Variants in RBFOX1 observed in about 807,000 individuals in gnomAD.
The protein encoded by RBFOX1 is RNA binding protein fox-1 homolog 1.
RBFOX1 carries 8 observed loss-of-function variants against 57.7 expected under a neutral mutation model. The ratio of observed to expected loss-of-function variants is 0.14; its 90% CI spans 0.08 to 0.25. The LOEUF is 0.25. Among genes scored for constraint, RBFOX1 ranks in the 10% least tolerant of loss-of-function variants. The probability of loss-of-function intolerance (pLI) is 1.00; values close to 1 mark genes in which losing one functional copy is unlikely to be tolerated. For missense variants in RBFOX1, 611 were observed against 548.5 expected (o/e 1.11, Z -1.14); for synonymous variants, 326 against 222.4 (o/e 1.47, Z -4.15).
At chr16:5,240,532 C>G (rs1274326130) in intron 1 of RBFOX1, among the ~76,000 whole-genome samples, 1 of 152,194 alleles carries the variant, frequency 6.6e-6, no homozygotes, top group South Asian at 2.1e-4. Context: ...CTTGGCCAAG[C>G]CCTGCTCTGC....
At chr16:6,046,412 G>A (rs1397642975) in intron 1 of RBFOX1, among the ~76,000 whole-genome samples, 1 of 152,156 alleles carries the variant, frequency 6.6e-6, no homozygotes, top group Non-Finnish European at 1.5e-5. Context: ...CAAGACCCCA[G>A]GGCTCCATTT....
At chr16:7,044,850 C>T (rs1314273674) in intron 3 of RBFOX1, among the ~76,000 whole-genome samples, 3 of 151,912 alleles carry the variant, frequency 2.0e-5, no homozygotes, top group East Asian at 1.9e-4. Flanking sequence ...CCTTTTTTTC[C>T]ACCTCCCCTC....
chr16:6,202,471 A>G (rs574611527), intron 1 of RBFOX1, among the ~76,000 whole-genome samples: 4 of 152,120 alleles, frequency 2.6e-5, no homozygotes, highest in African/African-American at 4.8e-5. Context: ...GGAAAAAAAG[A>G]CTTCACTCAA....
At chr16:5,985,249 C>T (rs1056539649) in intron 4 of RBFOX1, among the ~76,000 whole-genome samples, 26 of 151,788 alleles carry the variant, frequency 1.7e-4, no homozygotes, top group African/African-American at 6.3e-4. Context: ...CCCTCGGCCT[C>T]CCAAAGTGGT....
At chr16:6,931,307 A>C (rs565102742) in intron 3 of RBFOX1, among the ~76,000 whole-genome samples, 1 of 126,036 alleles carries the variant, frequency 7.9e-6, no homozygotes, top group South Asian at 2.6e-4. Context: ...CTATCTATCT[A>C]TCTATCTATC....
chr16:7,092,463 A>G (rs775296446), intron 4 of RBFOX1, among the ~76,000 whole-genome samples: 8 of 152,210 alleles, frequency 5.3e-5, no homozygotes, highest in East Asian at 1.9e-4. Context: ...GTACCATTCA[A>G]TATTTTTCCA....
chr16:6,503,767 T>A (rs2096009077), intron 2 of RBFOX1, among the ~76,000 whole-genome samples: 2 of 152,082 alleles, frequency 1.3e-5, no homozygotes, highest in African/African-American at 4.8e-5. Flanking sequence ...CCAGAGTGAG[T>A]GATGTCTCGC....
intron 2 of RBFOX1, chr16:6,483,576 G>C (rs1370506796): frequency 1.3e-6 from 2 of 1,528,090 alleles, no homozygotes; most frequent in Non-Finnish European, 1.8e-6. Flanking sequence ...CTAAAACACT[G>C]TCAGGGAAGG....
rs1603198909 is a variant in RBFOX1, at chr16:6,660,199, G to C, written c.-16+5549G>C. ...AGATCTCGCCATTGCCCTTCAGCCT[G>C]GGCAATAAGAGTGAGACTTCATCTT... On this transcript the variant is annotated intron_variant, in intron 3 of 15. Transcript: ENST00000550418. Among the ~76,000 whole-genome samples, 11 of 150,932 alleles carry C rather than the reference G, an allele frequency of 7.3e-5. No individual in the cohort carries two copies. In the South Asian group the frequency reaches 2.3e-3, roughly 32 times the overall value.
At chr16:7,274,995 C>T (rs1480033279) in intron 4 of RBFOX1, among the ~76,000 whole-genome samples, 1 of 152,110 alleles carries the variant, frequency 6.6e-6, no homozygotes, top group Non-Finnish European at 1.5e-5. Flanking sequence ...AAAGCATTAG[C>T]TTCTAATTGA....
chr16:6,950,458 C>T (rs2080489937), intron 3 of RBFOX1, among the ~76,000 whole-genome samples: 1 of 152,260 alleles, frequency 6.6e-6, no homozygotes, highest in East Asian at 1.9e-4. Context: ...TAGTGCCTGG[C>T]ACAGAGTAGA....
At chr16:6,081,033 C>T (rs558469720) in intron 1 of RBFOX1, among the ~76,000 whole-genome samples, 67 of 152,224 alleles carry the variant, frequency 4.4e-4, no homozygotes, top group African/African-American at 1.4e-3. Flanking sequence ...ATTTACTTGA[C>T]GGAGTCATGT....
intron 4 of RBFOX1, among the ~76,000 whole-genome samples, chr16:5,934,813 G>A (rs1295291869): frequency 6.6e-6 from 1 of 152,210 alleles, no homozygotes; most frequent in Non-Finnish European, 1.5e-5. Flanking sequence ...CTCAGACACT[G>A]ATATTCAGTG....
chr16:7,140,763 G>A (rs750524811), intron 4 of RBFOX1, among the ~76,000 whole-genome samples: 1 of 152,112 alleles, frequency 6.6e-6, no homozygotes, highest in Admixed American at 6.5e-5. Context: ...ATATTTATGG[G>A]GAAGGTAGCG....
intron 3 of RBFOX1, among the ~76,000 whole-genome samples, chr16:7,040,834 C>A (rs1156263178): frequency 6.6e-6 from 1 of 152,136 alleles, no homozygotes; most frequent in East Asian, 1.9e-4. Context: ...CAAAGTTTGG[C>A]AAATTGTGGC....
chr16:6,386,244 C>T (rs529735296), intron 2 of RBFOX1, among the ~76,000 whole-genome samples: 3 of 152,206 alleles, frequency 2.0e-5, no homozygotes, highest in South Asian at 2.1e-4. Context: ...CTTCACACTG[C>T]TGTCCTGTTG....
intron 3 of RBFOX1, among the ~76,000 whole-genome samples, chr16:6,943,559 T>C (rs1056562911): frequency 6.6e-6 from 1 of 151,886 alleles, no homozygotes; most frequent in Non-Finnish European, 1.5e-5. Flanking sequence ...ATACAAAAAA[T>C]TAGCCAGGCG....
At chr16:5,683,032 G>C (rs2050391557) in intron 3 of RBFOX1, among the ~76,000 whole-genome samples, 2 of 152,100 alleles carry the variant, frequency 1.3e-5, no homozygotes, top group South Asian at 4.2e-4. Flanking sequence ...GGGAGAATCA[G>C]AGTGTCCACC....
chr16:6,591,671 C>T (rs1380232955), intron 2 of RBFOX1, among the ~76,000 whole-genome samples: 2 of 152,140 alleles, frequency 1.3e-5, no homozygotes, highest in African/African-American at 2.4e-5. Flanking sequence ...CACGGGGCAA[C>T]TCTAGTATCT....
Sources: allele counts gnomAD v4.1 joint callset (sites outside exome capture counted in the v4.1 genomes callset), GRCh38; gene constraint gnomAD v4.1.1; transcripts MANE v1.5; gene names NCBI Gene and HGNC (gene_info 2026-07-23, HGNC 2026-07-21).